Variants in NUDT7 observed in about 807,000 individuals in gnomAD.
NUDT7 encodes the protein peroxisomal coenzyme A diphosphatase NUDT7.
In NUDT7, 19 loss-of-function variants were observed where a neutral mutation model predicts 13.1. The observed-to-expected ratio is 1.45, with a 90% CI of 1.01 to 2.13. The LOEUF (loss-of-function observed/expected upper bound fraction) is 2.13. Ranked by LOEUF, NUDT7 falls within the 30% of genes most tolerant of loss-of-function variation. The probability of loss-of-function intolerance (pLI) is 0.00; values close to 1 mark genes in which losing one functional copy is unlikely to be tolerated. For synonymous variants in NUDT7, 132 were observed against 109.7 expected, an observed-to-expected ratio of 1.20 and a Z score of -1.27; for missense variants, 360 against 291.7, an observed-to-expected ratio of 1.23 and a Z score of -1.71.
chr16:77,735,921 G>T lies in NUDT7; in HGVS notation c.283G>T (p.Glu95Ter). 6.2e-7 allele frequency: 1 copy of T among 1,614,068 alleles called. No individual in the cohort carries two copies. ...AGCCACAGCTCTCCGGGAAGCCCAGGAGGAAGTGGGTCTCCGTCCTCACCA... is the reference window on the plus strand; with the variant it reads ...AGCCACAGCTCTCCGGGAAGCCCAGTAGGAAGTGGGTCTCCGTCCTCACCA... ...DAATALREAQ[E>*]EVGLRPHQVE... Residue 95 changes from glutamate (E) to a stop codon, truncating the protein, a stop_gained, in exon 3 of 4, where the codon GAG (glutamate) becomes TAG (stop). Transcript: ENST00000268533. LOFTEE classifies it high-confidence loss of function.
At position 77,739,932 on chromosome 16, in the gene NUDT7, A is replaced by C. The variant is rs2145129859; in HGVS notation, c.349-1650A>C. ...ATTAATTTACCCTCCAGAACACCCC[A>C]TGGTGCCCTTGCCAGCCTTCTTCCC... On this transcript the variant is annotated intron_variant, in intron 3 of 3. Transcript: ENST00000268533. Among the ~76,000 whole-genome samples, 3 of 152,178 alleles carry C rather than the reference A, an allele frequency of 2.0e-5. No homozygotes were observed. In the South Asian group the frequency reaches 6.2e-4, roughly 32 times the overall value.
At chr16:77,725,311 CAGAG>C (rs985792912) in intron 1 of NUDT7, 116 bp from the exon 2 acceptor site, 1 of 809,092 alleles carries the variant, frequency 1.2e-6, no homozygotes, top group African/African-American at 1.7e-5. Context: ...GAAAAATACA[CAGAG>C]AGTCAGAAAT....
At chr16:77,730,805 A>G (rs1005579606) in intron 2 of NUDT7, among the ~76,000 whole-genome samples, 13 of 151,886 alleles carry the variant, frequency 8.6e-5, no homozygotes, top group Admixed American at 5.9e-4. Flanking sequence ...GCCATTCTAA[A>G]AGGTGTGACG....
At chr16:77,722,709 T>A in intron 1 of NUDT7, 92 bp downstream of exon 1, 2 of 1,286,254 alleles carry the variant, frequency 1.6e-6, no homozygotes, top group Non-Finnish European at 2.2e-6. Flanking sequence ...CCGGGACTGA[T>A]TTTGCAGCTC....
intron 2 of NUDT7, among the ~76,000 whole-genome samples, chr16:77,726,926 A>G (rs1197211170): frequency 1.3e-5 from 2 of 149,948 alleles, no homozygotes; most frequent in East Asian, 2.0e-4. Flanking sequence ...GTTTCTGGAA[A>G]GGCCTCAGGG....
intron 3 of NUDT7, 37 bp from the exon 4 acceptor site, chr16:77,741,545 C>T (rs781325862): frequency 1.3e-6 from 2 of 1,544,266 alleles, no homozygotes; most frequent in South Asian, 2.5e-5. Context: ...AGTATCACTT[C>T]ACTTCTTAAT....
chr16:77,739,162 C>T (rs530962573), intron 3 of NUDT7, among the ~76,000 whole-genome samples: 1 of 152,202 alleles, frequency 6.6e-6, no homozygotes, highest in East Asian at 1.9e-4. Flanking sequence ...TGATCCAGAC[C>T]CTAAGAGAGG....
rs2014108439 is a variant in NUDT7 at position 77,725,575 on chromosome 16, G to C, written c.180G>C (p.Arg60=). ...AACTCCATTTGTTGTTCACCGTCCG[G>C]TCAGAGAAGGTAGGTGGACAAAAAA... The part of the protein sequence containing the change: ...EGKLHLLFTV[R]SEKLRRAPGE... The change falls in exon 2 of 4, where the codon CGG becomes CGC. Residue 60 remains arginine (R), a synonymous_variant. Transcript: ENST00000268533. 1 of 1,613,716 alleles carries C rather than the reference G, an allele frequency of 6.2e-7. No homozygotes were observed. Among genetic ancestry groups the C allele is most frequent in the Non-Finnish European group, 8.5e-7 (1 of 1,179,914 alleles).
In NUDT7 at chr16:77,738,197, C is replaced by T. The variant is rs144077897; in HGVS notation, c.348+2211C>T. Among the ~76,000 whole-genome samples, 125 of 152,276 alleles carry T rather than the reference C, an allele frequency of 8.2e-4. 1 individual carries two copies. The highest frequency in any genetic ancestry group is 3.0e-3 in the African/African-American group (123 of 41,568). ...AGGATTTACTTTAGAAATCAATTAA[C>T]TAATTTAGCTATACTGATTAAAAGT... On this transcript the variant is annotated intron_variant, in intron 3 of 3. Coordinates refer to ENST00000268533, the MANE Select transcript of NUDT7 (RefSeq NM_001105663.3).
At chr16:77,727,640 A>C (rs2014180491) in intron 2 of NUDT7, among the ~76,000 whole-genome samples, 1 of 152,198 alleles carries the variant, frequency 6.6e-6, no homozygotes, top group Non-Finnish European at 1.5e-5. Context: ...GGATCACCTG[A>C]GGTCAGGAGT....
chr16:77,733,564 C>T (rs1045789235), intron 2 of NUDT7, among the ~76,000 whole-genome samples: 1 of 152,188 alleles, frequency 6.6e-6, no homozygotes, highest in Non-Finnish European at 1.5e-5. Context: ...TCTAGTTTAT[C>T]CTTACATAGA....
chr16:77,725,411 CTGGTTTGTTTTTATTTTAGAAACAGTT>C lies in NUDT7; in HGVS notation c.36-17_45del. ...TAACTCTGCTTGCTAAAATGTCTGT[CTGGTTTGTTTTTATTTTAGAAACAGTT>C]TGCTAGATGATGCTAAGGCCCGCTT... On this transcript the variant is annotated splice_acceptor_variant and splice_polypyrimidine_tract_variant and coding_sequence_variant and intron_variant, in exon 2 of 4. Coordinates refer to ENST00000268533, the MANE Select transcript of NUDT7 (RefSeq NM_001105663.3). LOFTEE classifies it high-confidence loss of function. The C allele has an allele frequency of 6.3e-7, 1 of 1,599,700 alleles. No individual in the cohort carries two copies. Among genetic ancestry groups the C allele is most frequent in the Non-Finnish European group, 8.5e-7 (1 of 1,171,160 alleles).
intron 2 of NUDT7, among the ~76,000 whole-genome samples, chr16:77,727,956 C>T (rs1012610549): frequency 1.3e-5 from 2 of 152,146 alleles, no homozygotes; most frequent in South Asian, 2.1e-4. Context: ...ACTCAACCAA[C>T]GGGGTCTCTA....
At chr16:77,736,125 T>A (rs531904379) in intron 3 of NUDT7, 139 bp downstream of exon 3, 18 of 778,010 alleles carry the variant, frequency 2.3e-5, no homozygotes, top group Non-Finnish European at 3.5e-5. Flanking sequence ...CCTACAGACA[T>A]TGCCCCTCAT....
rs1035909506 is a variant in NUDT7, at chr16:77,727,717, G to A, written c.189+2133G>A. Among the ~76,000 whole-genome samples the A allele has an allele frequency of 5.3e-5, 8 of 152,192 alleles. No individual in the cohort carries two copies. In the East Asian group the frequency reaches 5.8e-4, roughly 11 times the overall value. Reference sequence around the variant, plus strand: ...TAAAAATACAAAAAATTAGCCAGGCGTGGTGGTGGGTGCCTGTAATCCCAG... The same window carrying A: ...TAAAAATACAAAAAATTAGCCAGGCATGGTGGTGGGTGCCTGTAATCCCAG... On this transcript the variant is annotated intron_variant, in intron 2 of 3. Coordinates refer to ENST00000268533, the MANE Select transcript of NUDT7 (RefSeq NM_001105663.3).
At chr16:77,730,704 T>C (rs991072086) in intron 2 of NUDT7, among the ~76,000 whole-genome samples, 9 of 152,330 alleles carry the variant, frequency 5.9e-5, no homozygotes, top group African/African-American at 2.2e-4. Flanking sequence ...TCCACAATGA[T>C]TGTACTAATT....
At chr16:77,732,800 A>C (rs950906838) in intron 2 of NUDT7, among the ~76,000 whole-genome samples, 3 of 151,638 alleles carry the variant, frequency 2.0e-5, no homozygotes, top group Non-Finnish European at 2.9e-5. Context: ...GTGACTGTAC[A>C]TTTAAAACAG....
intron 2 of NUDT7, among the ~76,000 whole-genome samples, chr16:77,733,866 A>G (rs1280861983): frequency 1.3e-5 from 2 of 152,194 alleles, no homozygotes; most frequent in Non-Finnish European, 1.5e-5. Flanking sequence ...GTGGGCATAA[A>G]AGAAATTGAG....
At position 77,742,205 on chromosome 16, in the gene NUDT7, A is replaced by G. The variant is rs989497337; in HGVS notation, c.*255A>G. 32 of 972,072 alleles carry G rather than the reference A, an allele frequency of 3.3e-5. No individual in the cohort carries two copies. The highest frequency in any genetic ancestry group is 3.7e-5 in the Non-Finnish European group (28 of 765,458). The allele number at this position is 972,072 out of a possible 1,614,324, so 60.2% of individuals were successfully genotyped here. A position where few individuals can be genotyped will look rare whatever the true frequency, so the allele number is the denominator to read the frequency against. On this transcript the variant is annotated 3_prime_UTR_variant, in exon 4 of 4. Coordinates refer to ENST00000268533, the MANE Select transcript of NUDT7 (RefSeq NM_001105663.3). ...TTAATAATATTTTTCTTACACATAT[A>G]ATAAAGAATATCTGGCACATACTAG...
Sources: allele counts gnomAD v4.1 joint callset (sites outside exome capture counted in the v4.1 genomes callset), GRCh38; gene constraint gnomAD v4.1.1; transcripts MANE v1.5; gene names NCBI Gene and HGNC (gene_info 2026-07-23, HGNC 2026-07-21).